SPATS2L: variants seen among roughly 807,000 people sequenced by gnomAD.
SPATS2L encodes the protein SPATS2-like protein.
Under a neutral mutation model 59.6 loss-of-function variants are expected in SPATS2L, and 30 were observed. That is an observed-to-expected ratio of 0.50 (90% confidence interval 0.38 to 0.68). The LOEUF (loss-of-function observed/expected upper bound fraction) is 0.68, where lower values mean the gene tolerates loss of function less well. Among genes scored for constraint, SPATS2L ranks in the 30% least tolerant of loss-of-function variants. The pLI, the probability that SPATS2L is intolerant of heterozygous loss-of-function variation, is 0.00. For synonymous variants in SPATS2L, 252 were observed against 263.5 expected (o/e 0.96, Z 0.42); for missense variants, 615 against 700.0 (o/e 0.88, Z 1.37).
chr2:200,340,719 A>G (rs2105818587), intron 2 of SPATS2L, among the ~76,000 whole-genome samples: 1 of 152,270 alleles, frequency 6.6e-6, no homozygotes, highest in Non-Finnish European at 1.5e-5. Flanking sequence ...GGTTACACAA[A>G]TATTACTTCC....
intron 6 of SPATS2L, 34 bp downstream of exon 6, chr2:200,419,530 G>T: frequency 6.2e-7 from 1 of 1,609,438 alleles, no homozygotes; most frequent in South Asian, 1.1e-5. Flanking sequence ...GCTTAGGAAG[G>T]CATAGATGAA....
rs536428015 is a variant in SPATS2L at position 200,433,739 on chromosome 2, C to A, written c.446-5383C>A. On this transcript the variant is annotated intron_variant, in intron 6 of 12. Coordinates refer to ENST00000409140, the MANE Select transcript of SPATS2L (RefSeq NM_001100423.2). ...ACAACTTAAATGAAATGGACAAATT[C>A]TTTAAAAACACAACTTACCAAAACA... 1.1e-4 allele frequency among the ~76,000 whole-genome samples: 16 copies of A among 152,130 alleles called. No homozygotes were observed. In the East Asian group the frequency reaches 3.1e-3, roughly 29 times the overall value.
At chr2:200,431,598 C>A (rs2083935643) in intron 6 of SPATS2L, among the ~76,000 whole-genome samples, 1 of 152,166 alleles carries the variant, frequency 6.6e-6, no homozygotes, top group Admixed American at 6.5e-5. Flanking sequence ...TATTTTAGAA[C>A]TATTCTATGT....
intron 2 of SPATS2L, among the ~76,000 whole-genome samples, chr2:200,338,344 G>A (rs1256695008): frequency 6.6e-6 from 1 of 152,132 alleles, no homozygotes; most frequent in Non-Finnish European, 1.5e-5. Flanking sequence ...CTCTGATCAA[G>A]GAATCAGTAG....
At chr2:200,334,532 C>T (rs1407692486) in intron 2 of SPATS2L, among the ~76,000 whole-genome samples, 2 of 151,694 alleles carry the variant, frequency 1.3e-5, no homozygotes, top group East Asian at 3.9e-4. Flanking sequence ...TCCCATTTGT[C>T]AATTTTGGCT....
chr2:200,477,205 C>A (rs1223373161), intron 12 of SPATS2L, among the ~76,000 whole-genome samples: 2 of 152,098 alleles, frequency 1.3e-5, no homozygotes, highest in Admixed American at 1.3e-4. Flanking sequence ...GGCCAGGGAC[C>A]CTGCCCTTTT....
chr2:200,369,274 T>A (rs2081354869), intron 2 of SPATS2L, among the ~76,000 whole-genome samples: 1 of 152,178 alleles, frequency 6.6e-6, no homozygotes, highest in Admixed American at 6.5e-5. Context: ...TTCTCCTGCC[T>A]CAGCCTCCTG....
intron 3 of SPATS2L, among the ~76,000 whole-genome samples, chr2:200,402,761 T>C (rs1256620170): frequency 3.9e-5 from 6 of 152,214 alleles, no homozygotes; most frequent in Non-Finnish European, 5.9e-5. Flanking sequence ...AAAAGATTAA[T>C]TTCAACTTTG....
chr2:200,382,945 ATTTC>A (rs1429370599), intron 2 of SPATS2L, among the ~76,000 whole-genome samples: 1 of 152,074 alleles, frequency 6.6e-6, no homozygotes. Context: ...ATGAGAATCT[ATTTC>A]TTGTGTGTAG....
rs10177991 is a variant in SPATS2L at position 200,477,661 on chromosome 2, G to A, written c.1307G>A (p.Arg436Lys). Reference sequence around the variant, plus strand: ...AATGGATCTTCTAACCAAAGACGGAGATTTAATCCACAGTATCATAACAAC... The same window carrying A: ...AATGGATCTTCTAACCAAAGACGGAAATTTAATCCACAGTATCATAACAAC... ...KQNGSSNQRR[R>K]FNPQYHNNRL... is the part of the protein sequence containing the mutation. The change falls in exon 13 of 13, where the codon AGA (arginine) becomes AAA (lysine). Residue 436 changes from arginine (R) to lysine (K), a missense_variant. Physicochemically the swap from Arg to Lys is conservative, Grantham distance 26 (BLOSUM62 2). This residue lies in a region of SPATS2L where 284 missense variants were observed against 280.1 expected (regional missense o/e 1.01). Coordinates refer to ENST00000409140, the MANE Select transcript of SPATS2L (RefSeq NM_001100423.2). 1 of 1,555,966 alleles carries A rather than the reference G, an allele frequency of 6.4e-7. No individual in the cohort carries two copies.
intron 3 of SPATS2L, among the ~76,000 whole-genome samples, chr2:200,403,645 C>T (rs1284936151): frequency 1.3e-5 from 2 of 152,168 alleles, no homozygotes; most frequent in African/African-American, 4.8e-5. Context: ...GATACTCAGC[C>T]CCTATGTTTC....
In SPATS2L at chr2:200,480,083, G is replaced by C; in HGVS notation, c.*2052G>C. 2 of 213,068 alleles carry C rather than the reference G, an allele frequency of 9.4e-6. No individual in the cohort carries two copies. Among genetic ancestry groups the C allele is most frequent in the Non-Finnish European group, 1.9e-5 (2 of 108,012 alleles). The allele number at this position is 213,068 out of a possible 1,614,324, so 13.2% of individuals were successfully genotyped here. A position where few individuals can be genotyped will look rare whatever the true frequency, so the allele number is the denominator to read the frequency against. On this transcript the variant is annotated 3_prime_UTR_variant, in exon 13 of 13. Transcript: ENST00000409140. ...TTTTGCTCACCACTGAAAAATGTCA[G>C]TGTAAATGTGACCGCTTTAAAGATG...
At chr2:200,336,529 G>A (rs1195026067) in intron 2 of SPATS2L, among the ~76,000 whole-genome samples, 1 of 152,116 alleles carries the variant, frequency 6.6e-6, no homozygotes, top group African/African-American at 2.4e-5. Flanking sequence ...TCACAGGCAG[G>A]TCATCATACC....
chr2:200,430,974 T>C (rs2083891693), intron 6 of SPATS2L, among the ~76,000 whole-genome samples: 1 of 152,174 alleles, frequency 6.6e-6, no homozygotes, highest in Admixed American at 6.5e-5. Context: ...CACCTTGGCT[T>C]CCCAAAGTGC....
chr2:200,428,328 C>G (rs951824151), intron 6 of SPATS2L, among the ~76,000 whole-genome samples: 2 of 152,184 alleles, frequency 1.3e-5, no homozygotes, highest in African/African-American at 2.4e-5. Context: ...TAGCAGTATT[C>G]AGCATTGTTA....
chr2:200,394,692 A>C (rs1047757983), intron 3 of SPATS2L, among the ~76,000 whole-genome samples: 1 of 152,204 alleles, frequency 6.6e-6, no homozygotes, highest in African/African-American at 2.4e-5. Context: ...GAAAAATGAA[A>C]TGTAGGTTAA....
chr2:200,317,163 A>G (rs929272912), intron 1 of SPATS2L, among the ~76,000 whole-genome samples: 3 of 152,252 alleles, frequency 2.0e-5, no homozygotes, highest in African/African-American at 7.2e-5. Flanking sequence ...GTGAAAGCCT[A>G]CGTTATAAAA....
intron 4 of SPATS2L, among the ~76,000 whole-genome samples, 155 bp downstream of exon 4, chr2:200,412,574 C>A: frequency 6.9e-6 from 1 of 144,464 alleles, no homozygotes. Context: ...CTACTGCACT[C>A]TAGCCTAGGT....
intron 1 of SPATS2L, chr2:200,308,892 C>A: frequency 3.4e-6 from 2 of 596,508 alleles, no homozygotes; most frequent in Middle Eastern, 2.7e-4. Flanking sequence ...TTTAGGGAGC[C>A]CCCTAATGAA....
Sources: allele counts gnomAD v4.1 joint callset (sites outside exome capture counted in the v4.1 genomes callset), GRCh38; gene constraint gnomAD v4.1.1; regional missense constraint gnomAD v4.1.1; transcripts MANE v1.5; gene names NCBI Gene and HGNC (gene_info 2026-07-23, HGNC 2026-07-21).